Variants in HORMAD2 observed in about 807,000 individuals in gnomAD.
HORMAD2 encodes the protein HORMA domain-containing protein 2.
HORMAD2 carries 45 observed loss-of-function variants against 38.8 expected under a neutral mutation model. The ratio of observed to expected loss-of-function variants is 1.16; its 90% confidence interval spans 0.91 to 1.49. HORMAD2 has a LOEUF of 1.49. HORMAD2 is among the 40% of genes most tolerant of loss of function. HORMAD2 has a pLI of 0.00. For synonymous variants in HORMAD2, 126 were observed against 122.8 expected (o/e 1.03, Z -0.17); for missense variants, 338 against 367.0 (o/e 0.92, Z 0.65).
upstream of HORMAD2, among the ~76,000 whole-genome samples, chr22:30,078,676 G>A (rs917283936): frequency 1.6e-5 from 2 of 125,986 alleles, no homozygotes; most frequent in South Asian, 2.7e-4. Flanking sequence ...ACAGAATAAC[G>A]AATAACTGTG....
chr22:30,081,459 C>T (rs1269650009), intron 1 of HORMAD2, among the ~76,000 whole-genome samples: 1 of 152,156 alleles, frequency 6.6e-6, no homozygotes, highest in African/African-American at 2.4e-5. Flanking sequence ...TTACCAGGGC[C>T]AAATGGAATT....
At chr22:30,093,804 G>A in intron 1 of HORMAD2, 112 bp from the exon 2 acceptor site, 1 of 546,598 alleles carries the variant, frequency 1.8e-6, no homozygotes. Flanking sequence ...AACTGTCTTT[G>A]ATTTTAATTT....
chr22:30,112,687 A>G (rs1320854612), intron 7 of HORMAD2, among the ~76,000 whole-genome samples, 165 bp downstream of exon 7: 1 of 152,106 alleles, frequency 6.6e-6, no homozygotes, highest in Non-Finnish European at 1.5e-5. Context: ...CCAATCTCTT[A>G]TTATGAGATT....
intron 10 of HORMAD2, among the ~76,000 whole-genome samples, chr22:30,133,532 A>G (rs1432365606): frequency 6.6e-6 from 1 of 150,678 alleles, no homozygotes; most frequent in African/African-American, 2.4e-5. Flanking sequence ...CAGAACATGC[A>G]GGCTTGTTAC....
At chr22:30,145,383 A>G (rs1184825064) in intron 10 of HORMAD2, among the ~76,000 whole-genome samples, 1 of 152,246 alleles carries the variant, frequency 6.6e-6, no homozygotes, top group Non-Finnish European at 1.5e-5. Flanking sequence ...CATTATAAAG[A>G]ACAATTTTAC....
intron 10 of HORMAD2, among the ~76,000 whole-genome samples, chr22:30,134,169 C>T (rs577483868): frequency 3.6e-4 from 55 of 151,992 alleles, no homozygotes; most frequent in African/African-American, 1.3e-3. Context: ...GAGGCCAAGG[C>T]GGGTGATCAC....
At chr22:30,142,140 G>T (rs111932247) in intron 10 of HORMAD2, among the ~76,000 whole-genome samples, 11 of 152,076 alleles carry the variant, frequency 7.2e-5, no homozygotes, top group Admixed American at 3.3e-4. Context: ...CCACCCAGGC[G>T]TGGTGGCATG....
Position 30,103,804 on chromosome 22 carries a change from G to T in HORMAD2, c.257+304G>T, listed in dbSNP as rs185045728. 3.8e-3 allele frequency among the ~76,000 whole-genome samples: 571 copies of T among 151,370 alleles called. 4 individuals carry two copies. Among genetic ancestry groups the T allele is most frequent in the African/African-American group, 0.013 (542 of 41,262 alleles). ...AGCCTCCCGGGTAGCTGGGACTACA[G>T]GTGCATGCCACCACGCTCAGCTAAT... is the stretch of plus-strand genomic sequence containing the variant. On this transcript the variant is annotated intron_variant, in intron 4 of 10. Transcript: ENST00000336726.
At chr22:30,126,599 G>A (rs1279355800) in intron 10 of HORMAD2, among the ~76,000 whole-genome samples, 1 of 152,070 alleles carries the variant, frequency 6.6e-6, no homozygotes, top group Non-Finnish European at 1.5e-5. Flanking sequence ...TGTTAATTTG[G>A]ATAATTTATA....
At chr22:30,128,483 A>G (rs1923034580) in intron 10 of HORMAD2, among the ~76,000 whole-genome samples, 1 of 152,124 alleles carries the variant, frequency 6.6e-6, no homozygotes, top group South Asian at 2.1e-4. Flanking sequence ...CCATTTCCCT[A>G]CTTTGAAACA....
chr22:30,192,919 A>T, the HORMAD2 span, among the ~76,000 whole-genome samples: 1 of 152,126 alleles, frequency 6.6e-6, no homozygotes, highest in East Asian at 1.9e-4. Flanking sequence ...TCATTTTTCC[A>T]TCTTCATTAT....
At chr22:30,170,814 G>C (rs1027796515) in intron 10 of HORMAD2, among the ~76,000 whole-genome samples, 7 of 152,088 alleles carry the variant, frequency 4.6e-5, no homozygotes, top group African/African-American at 1.7e-4. Context: ...TTGTGTACTT[G>C]TCTCAATTTC....
In HORMAD2 at chr22:30,145,781, T is replaced by C. The variant is rs773334027; in HGVS notation, c.819+23567T>C. 5.3e-5 allele frequency among the ~76,000 whole-genome samples: 8 copies of C among 152,324 alleles called. No homozygotes were observed. The South Asian group carries it at 6.2e-4, about 12-fold the overall frequency. ...TTTAAATGATAATGTCTGTAAATGT[T>C]ACAAACTGATGAATTATATCAAATA... On this transcript the variant is annotated intron_variant, in intron 10 of 10. Transcript: ENST00000336726.
intron 10 of HORMAD2, among the ~76,000 whole-genome samples, chr22:30,173,027 C>T (rs1474621903): frequency 1.3e-5 from 2 of 151,940 alleles, no homozygotes; most frequent in East Asian, 1.9e-4. Context: ...TCAGGGAAGC[C>T]CAGCAGGCAG....
chr22:30,103,374 T>C, intron 3 of HORMAD2, 63 bp from the exon 4 acceptor site: 3 of 884,364 alleles, frequency 3.4e-6, no homozygotes, highest in Non-Finnish European at 5.5e-6. Flanking sequence ...CTATTTAGCA[T>C]GGACAATTTC....
chr22:30,106,241 C>T (rs899081856), intron 5 of HORMAD2, among the ~76,000 whole-genome samples: 1 of 152,100 alleles, frequency 6.6e-6, no homozygotes, highest in Admixed American at 6.5e-5. Context: ...GAACTCCTGA[C>T]CTCAAGTGAT....
intron 10 of HORMAD2, among the ~76,000 whole-genome samples, chr22:30,174,850 C>G (rs1926335987): frequency 6.6e-6 from 1 of 152,024 alleles, no homozygotes; most frequent in Non-Finnish European, 1.5e-5. Context: ...ATTTCCTTTC[C>G]TTTAGAGCAG....
At chr22:30,098,544 G>A (rs141597584) in intron 2 of HORMAD2, among the ~76,000 whole-genome samples, 4,135 of 152,190 alleles carry the variant, frequency 0.027, 84 homozygotes, top group Non-Finnish European at 0.04. Context: ...AGATTGCAGC[G>A]GGGTCTGAGG....
intron 10 of HORMAD2, among the ~76,000 whole-genome samples, chr22:30,146,494 A>G (rs760022773): frequency 2.6e-5 from 4 of 152,156 alleles, no homozygotes; most frequent in Admixed American, 6.5e-5. Flanking sequence ...ACTCTGTCTC[A>G]AAAAAAGAAA....
Sources: allele counts gnomAD v4.1 joint callset (sites outside exome capture counted in the v4.1 genomes callset), GRCh38; gene constraint gnomAD v4.1.1; transcripts MANE v1.5; gene names NCBI Gene and HGNC (gene_info 2026-07-23, HGNC 2026-07-21).